KIT: variants seen among roughly 807,000 people sequenced by gnomAD.
KIT encodes the protein mast/stem cell growth factor receptor Kit.
A neutral mutation model predicts 105.7 loss-of-function variants in KIT; 16 were observed. The observed-to-expected ratio is 0.15, with a 90% confidence interval of 0.10 to 0.23. The LOEUF (loss-of-function observed/expected upper bound fraction) is 0.23, where lower values mean the gene tolerates loss of function less well. KIT is among the 10% of genes least tolerant of loss of function. KIT has a pLI of 1.00. For synonymous variants in KIT, 438 were observed against 441.1 expected, an observed-to-expected ratio of 0.99 and a Z score of 0.09; for missense variants, 858 against 1,213.8, an observed-to-expected ratio of 0.71 and a Z score of 4.36.
At chr4:54,713,235 G>A (rs1187198115) in intron 7 of KIT, among the ~76,000 whole-genome samples, 3 of 152,008 alleles carry the variant, frequency 2.0e-5, no homozygotes, top group African/African-American at 7.2e-5. Flanking sequence ...CACTATACCC[G>A]TGTATAGTCT....
At chr4:54,732,540 G>A (rs17084716) in intron 16 of KIT, among the ~76,000 whole-genome samples, 15,368 of 152,132 alleles carry the variant, frequency 0.1, 868 homozygotes, top group African/African-American at 0.14. Context: ...AAGGGTGAAA[G>A]GAGTTCCTTA....
intron 1 of KIT, among the ~76,000 whole-genome samples, chr4:54,692,594 A>G (rs555477324): frequency 2.6e-5 from 4 of 152,356 alleles, no homozygotes; most frequent in African/African-American, 9.6e-5. Context: ...TTTGCTATCA[A>G]TATCATGCAC....
At chr4:54,720,117 G>A (rs569910506) in intron 7 of KIT, among the ~76,000 whole-genome samples, 28 of 151,998 alleles carry the variant, frequency 1.8e-4, no homozygotes, top group Non-Finnish European at 3.7e-4. Flanking sequence ...CTTTGATAAG[G>A]GTTCCTTAAA....
At chr4:54,663,143 C>G (rs1441815579) in intron 1 of KIT, among the ~76,000 whole-genome samples, 2 of 152,178 alleles carry the variant, frequency 1.3e-5, no homozygotes, top group African/African-American at 4.8e-5. Flanking sequence ...ACCTTTCTGA[C>G]AGGTTTTCAA....
chr4:54,671,262 A>G lies in KIT; in HGVS notation c.67+13181A>G, dbSNP rs138575687. ...GGATGGGAAAGTTCCTTCTCCATCA[A>G]TTCTTGGGCACTGGAGTAGGACTCT... On this transcript the variant is annotated intron_variant, in intron 1 of 20. Transcript: ENST00000288135. Among the ~76,000 whole-genome samples, 1,162 of 152,350 alleles carry G rather than the reference A, an allele frequency of 7.6e-3. 8 individuals carry two copies. The highest frequency in any genetic ancestry group is 1.0e-2 in the Non-Finnish European group (680 of 68,026).
chr4:54,694,678 C>A (rs193228625), intron 1 of KIT, among the ~76,000 whole-genome samples: 43 of 152,288 alleles, frequency 2.8e-4, no homozygotes, highest in African/African-American at 1.0e-3. Flanking sequence ...CGGCACCTGG[C>A]CAGCAGTTTG....
chr4:54,700,572 G>A (rs1029872758), intron 4 of KIT, among the ~76,000 whole-genome samples: 4 of 152,078 alleles, frequency 2.6e-5, no homozygotes, highest in African/African-American at 9.7e-5. Flanking sequence ...ATTTTTGTTT[G>A]AATAATCTTG....
chr4:54,669,460 C>G (rs1717951756), intron 1 of KIT, among the ~76,000 whole-genome samples: 1 of 152,216 alleles, frequency 6.6e-6, no homozygotes, highest in Non-Finnish European at 1.5e-5. Context: ...ACTGGGAACA[C>G]CAGCTCTGGC....
At chr4:54,737,794 C>T (rs1723013536) in intron 20 of KIT, among the ~76,000 whole-genome samples, 1 of 152,168 alleles carries the variant, frequency 6.6e-6, no homozygotes. Context: ...TTGGGAGATC[C>T]CTCCCAGTGA....
intron 5 of KIT, among the ~76,000 whole-genome samples, chr4:54,706,495 T>G (rs976850432): frequency 6.6e-6 from 1 of 152,130 alleles, no homozygotes; most frequent in Non-Finnish European, 1.5e-5. Context: ...AAATTTGTCT[T>G]CTATGATGTT....
chr4:54,685,581 T>G (rs1719253552), intron 1 of KIT, among the ~76,000 whole-genome samples: 1 of 152,160 alleles, frequency 6.6e-6, no homozygotes, highest in Admixed American at 6.5e-5. Context: ...CCTTGCACTG[T>G]CCTTCACTGC....
intron 5 of KIT, 96 bp from the exon 6 acceptor site, chr4:54,707,002 C>T: frequency 2.8e-6 from 2 of 714,520 alleles, no homozygotes; most frequent in African/African-American, 1.8e-5. Flanking sequence ...TACTGGAAAT[C>T]AACCAATTGT....
intron 1 of KIT, among the ~76,000 whole-genome samples, chr4:54,678,547 C>T (rs904263967): frequency 6.6e-6 from 1 of 151,992 alleles, no homozygotes. Flanking sequence ...TATTTTACCC[C>T]TATAGATGTC....
At chr4:54,678,452 T>C (rs1156594413) in intron 1 of KIT, among the ~76,000 whole-genome samples, 1 of 150,838 alleles carries the variant, frequency 6.6e-6, no homozygotes, top group Non-Finnish European at 1.5e-5. Context: ...TGCTGTCAAG[T>C]GCAGTAATTA....
chr4:54,704,692 T>G (rs1720672587), intron 5 of KIT, among the ~76,000 whole-genome samples: 1 of 152,180 alleles, frequency 6.6e-6, no homozygotes, highest in African/African-American at 2.4e-5. Flanking sequence ...TTTTTTTGTC[T>G]TTTGAGTATT....
rs1433838247 is a variant in KIT, at chr4:54,740,460, CT to C, written c.*1906del. On this transcript the variant is annotated 3_prime_UTR_variant, in exon 21 of 21. Coordinates refer to ENST00000288135, the MANE Select transcript of KIT (RefSeq NM_000222.3). ...TAATTTTTTCTTACATCAGATGTTTCTTTGCAGTGGCTTAATGTTTGAAATT... is the reference window on the plus strand; with the variant it reads ...TAATTTTTTCTTACATCAGATGTTTCTTGCAGTGGCTTAATGTTTGAAATT... 4.3e-6 allele frequency: 1 copy of C among 233,172 alleles called. No homozygotes were observed. The highest frequency in any genetic ancestry group is 8.5e-6 in the Non-Finnish European group (1 of 117,880). The allele number at this position is 233,172 out of a possible 1,614,324, so 14.4% of individuals were successfully genotyped here.
In KIT at chr4:54,658,028, G is replaced by A. The variant is rs1716939382; in HGVS notation, c.14G>A (p.Arg5His). 2 of 1,613,902 alleles carry A rather than the reference G, an allele frequency of 1.2e-6. No homozygotes were observed. The highest frequency in any genetic ancestry group is 1.7e-6 in the Non-Finnish European group (2 of 1,179,880). Reference sequence around the variant, plus strand: ...GCAGCTACCGCGATGAGAGGCGCTCGCGGCGCCTGGGATTTTCTCTGCGTT... The same window carrying A: ...GCAGCTACCGCGATGAGAGGCGCTCACGGCGCCTGGGATTTTCTCTGCGTT... MRGARGAWDFLCVLL... is the reference protein window; with the variant it reads MRGAHGAWDFLCVLL... The change falls in exon 1 of 21, where the codon CGC becomes CAC. Residue 5 changes from arginine (R) to histidine (H), a missense_variant. Physicochemically the swap from Arg to His is conservative, Grantham distance 29. Transcript: ENST00000288135.
chr4:54,729,593 G>T lies in KIT; in HGVS notation c.2141+108G>T, dbSNP rs1055554784. ...AAAAAATGAACTGAGGTACTCTGAG[G>T]TATGAAATCAAAATTATTAAATCAT... On this transcript the variant is annotated intron_variant, in intron 14 of 20. Coordinates refer to ENST00000288135, the MANE Select transcript of KIT (RefSeq NM_000222.3). 4 of 988,150 alleles carry T rather than the reference G, an allele frequency of 4.0e-6. No individual in the cohort carries two copies. The East Asian group carries it at 7.2e-5, about 18-fold the overall frequency. The allele number at this position is 988,150 out of a possible 1,614,324, so 61.2% of individuals were successfully genotyped here.
chr4:54,738,572 T>C lies in KIT; in HGVS notation c.*15T>C. On this transcript the variant is annotated 3_prime_UTR_variant, in exon 21 of 21. Transcript: ENST00000288135. ...ACGATGTCTGAGCAGAATCAGTGTT[T>C]GGGTCACCCCTCCAGGAATGATCTC... is the stretch of plus-strand genomic sequence containing the variant. The C allele has an allele frequency of 6.2e-7, 1 of 1,613,702 alleles. No individual in the cohort carries two copies. Among genetic ancestry groups the C allele is most frequent in the Non-Finnish European group, 8.5e-7 (1 of 1,179,998 alleles).
Sources: gnomAD v4.1 joint callset for allele counts (sites outside exome capture counted in the v4.1 genomes callset) on GRCh38, gnomAD v4.1.1 for gene constraint, MANE v1.5 for transcripts, NCBI Gene and HGNC (gene_info 2026-07-23, HGNC 2026-07-21) for gene names.